The following GPR89A variants were observed in gnomAD, a reference collection of about 807,000 sequenced individuals.
GPR89A encodes the protein G protein-coupled receptor 89A.
Under a neutral mutation model 52.0 loss-of-function variants are expected in GPR89A, and 16 were observed. That is an observed-to-expected ratio of 0.31 (90% CI 0.21 to 0.47). GPR89A has a LOEUF of 0.47. Among genes scored for constraint, GPR89A ranks in the 20% least tolerant of loss-of-function variants. The pLI is 1.00. For synonymous variants in GPR89A, 55 were observed against 150.9 expected, an observed-to-expected ratio of 0.36 and a Z score of 4.66; for missense variants, 135 against 449.4, an observed-to-expected ratio of 0.30 and a Z score of 6.33.
At position 145,615,770 on chromosome 1, in the gene GPR89A, T is replaced by A. The variant is rs1431214529; in HGVS notation, c.43-464T>A. ...CCTTTGGAGTAGCTGGGAATACAGG[T>A]GCCCACACCCAGCTAATTTTTGTAT... On this transcript the variant is annotated intron_variant, in intron 1 of 13. Coordinates refer to ENST00000313835, the MANE Select transcript of GPR89A (RefSeq NM_001097612.2). Among the ~76,000 whole-genome samples the A allele has an allele frequency of 1.7e-4, 25 of 151,130 alleles. 2 individuals carry two copies. Among genetic ancestry groups the A allele is most frequent in the African/African-American group, 5.6e-4 (23 of 41,066 alleles).
At chr1:145,662,126 C>G (rs1652242947) in intron 10 of GPR89A, among the ~76,000 whole-genome samples, 1 of 152,086 alleles carries the variant, frequency 6.6e-6, no homozygotes, top group Non-Finnish European at 1.5e-5. Flanking sequence ...CCATAAATGT[C>G]AATTACGTCA....
At chr1:145,620,801 T>A (rs1649088889) in intron 3 of GPR89A, among the ~76,000 whole-genome samples, 1 of 152,182 alleles carries the variant, frequency 6.6e-6, no homozygotes, top group Admixed American at 6.5e-5. Context: ...GTAATCTTGT[T>A]GGGATGCTTA....
intron 12 of GPR89A, 51 bp from the exon 13 acceptor site, chr1:145,669,574 A>G: frequency 6.2e-7 from 1 of 1,604,018 alleles, no homozygotes; most frequent in Non-Finnish European, 8.5e-7. Context: ...ACTGTTCGTG[A>G]CACAGGAATC....
chr1:145,645,581 A>G (rs1440940938), intron 8 of GPR89A: 5 of 453,880 alleles, frequency 1.1e-5, no homozygotes, highest in Non-Finnish European at 2.2e-5. Flanking sequence ...GGAGGAAAAG[A>G]GGATTTGACT....
Position 145,669,709 on chromosome 1 carries a change from C to T in GPR89A, c.1161+19C>T, listed in dbSNP as rs1652843404. 6.2e-7 allele frequency: 1 copy of T among 1,611,508 alleles called. No homozygotes were observed. Among genetic ancestry groups the T allele is most frequent in the Non-Finnish European group, 8.5e-7 (1 of 1,179,602 alleles). On this transcript the variant is annotated intron_variant, in intron 13 of 13. Transcript: ENST00000313835. ...GATAATGGTAAGTTTAATTAGTTAC[C>T]TTTATGTTTACAGCTGTAAAATATC... is the stretch of plus-strand genomic sequence containing the variant.
At chr1:145,629,383 G>GT (rs1649742316) in intron 5 of GPR89A, among the ~76,000 whole-genome samples, 2 of 151,972 alleles carry the variant, frequency 1.3e-5, no homozygotes, top group South Asian at 4.2e-4. Flanking sequence ...AGTGAAGGTA[G>GT]TTTATGGCTA....
intron 12 of GPR89A, among the ~76,000 whole-genome samples, chr1:145,667,948 A>G (rs1322293783): frequency 6.6e-6 from 1 of 152,230 alleles, no homozygotes; most frequent in Admixed American, 6.5e-5. Flanking sequence ...TTTTGGTACC[A>G]GTACCATGCT....
chr1:145,657,397 A>G (rs1219663359), intron 10 of GPR89A, among the ~76,000 whole-genome samples: 1 of 149,618 alleles, frequency 6.7e-6, no homozygotes, highest in Non-Finnish European at 1.5e-5. Context: ...TCTCAAAAAA[A>G]AAAAAAATTG....
chr1:145,658,505 T>G (rs1406469231), intron 10 of GPR89A, among the ~76,000 whole-genome samples: 2 of 150,946 alleles, frequency 1.3e-5, no homozygotes, highest in Non-Finnish European at 2.9e-5. Context: ...TACATGCTTG[T>G]GGCCCCAGCT....
intron 5 of GPR89A, among the ~76,000 whole-genome samples, chr1:145,628,931 A>T (rs1329902510): frequency 1.3e-5 from 2 of 152,150 alleles, no homozygotes; most frequent in African/African-American, 4.8e-5. Flanking sequence ...AGAAAAGAGA[A>T]TTGAAACTAA....
rs1253924438 is a variant in GPR89A, at chr1:145,646,086, C to G, written c.728-98C>G. On this transcript the variant is annotated intron_variant, in intron 8 of 13. Transcript: ENST00000313835. ...AGGAAATTGAGAATATAGGCAACTCCGGGAATCCACTGTAGGAAAAACCAA... is the reference window on the plus strand; with the variant it reads ...AGGAAATTGAGAATATAGGCAACTCGGGGAATCCACTGTAGGAAAAACCAA... 6 of 1,583,984 alleles carry G rather than the reference C, an allele frequency of 3.8e-6. No individual in the cohort carries two copies. The African/African-American group carries it at 5.4e-5, about 14-fold the overall frequency.
At chr1:145,623,292 T>C (rs587677386) in intron 4 of GPR89A, 132 bp downstream of exon 4, 6 of 570,698 alleles carry the variant, frequency 1.1e-5, no homozygotes, top group East Asian at 8.8e-5. Context: ...ACACACAACA[T>C]CTTAAAAATA....
intron 1 of GPR89A, among the ~76,000 whole-genome samples, chr1:145,613,016 T>C (rs587723420): frequency 6.6e-6 from 1 of 152,010 alleles, no homozygotes; most frequent in East Asian, 1.9e-4. Flanking sequence ...TTACTCTAGA[T>C]ACTATTCCCA....
At chr1:145,668,728 G>A (rs1553696915) in intron 12 of GPR89A, among the ~76,000 whole-genome samples, 5 of 152,064 alleles carry the variant, frequency 3.3e-5, no homozygotes, top group East Asian at 1.9e-4. Flanking sequence ...TAGCTCTTAC[G>A]ATTTCGAGAT....
chr1:145,641,279 A>G (rs1194149179), intron 7 of GPR89A, among the ~76,000 whole-genome samples: 1 of 151,802 alleles, frequency 6.6e-6, no homozygotes, highest in East Asian at 1.9e-4. Context: ...TTCTAGTTAT[A>G]TATACATTTT....
chr1:145,659,510 C>G (rs1405533754), intron 10 of GPR89A, among the ~76,000 whole-genome samples: 1 of 150,682 alleles, frequency 6.6e-6, no homozygotes, highest in Non-Finnish European at 1.5e-5. Context: ...AAAGAACTAC[C>G]AGACTTTTCC....
At chr1:145,655,858 C>G (rs1232202579) in intron 10 of GPR89A, among the ~76,000 whole-genome samples, 5 of 151,948 alleles carry the variant, frequency 3.3e-5, no homozygotes, top group African/African-American at 4.8e-5. Context: ...TCTGGACTGC[C>G]CAGACCCTTC....
intron 2 of GPR89A, among the ~76,000 whole-genome samples, chr1:145,617,850 A>G (rs587661704): frequency 4.6e-5 from 7 of 152,314 alleles, no homozygotes; most frequent in South Asian, 2.1e-4. Context: ...TTTCTAGGAT[A>G]TTCTCCATTA....
At chr1:145,617,479 G>A (rs1237469283) in intron 2 of GPR89A, among the ~76,000 whole-genome samples, 2 of 151,656 alleles carry the variant, frequency 1.3e-5, no homozygotes, top group Non-Finnish European at 2.9e-5. Flanking sequence ...CAAAGATGAC[G>A]GGATTAAGAG....
Sources: allele counts gnomAD v4.1 joint callset (sites outside exome capture counted in the v4.1 genomes callset), GRCh38; gene constraint gnomAD v4.1.1; transcripts MANE v1.5; gene names NCBI Gene and HGNC (gene_info 2026-07-23, HGNC 2026-07-21).